The following CDH13 variants were observed in gnomAD, a reference collection of about 807,000 sequenced individuals.
CDH13 encodes cadherin 13, also known as cadherin-13.
In CDH13, 24 loss-of-function variants were observed where a neutral mutation model predicts 63.8. That is an observed-to-expected ratio of 0.38 (90% confidence interval 0.27 to 0.53). The LOEUF (loss-of-function observed/expected upper bound fraction) is 0.53, where lower values mean the gene tolerates loss of function less well. CDH13 is among the 20% of genes least tolerant of loss of function. The pLI, the probability that CDH13 is intolerant of heterozygous loss-of-function variation, is 0.85. For missense variants in CDH13, 1,049 were observed against 903.1 expected, an observed-to-expected ratio of 1.16 and a Z score of -2.07; for synonymous variants, 503 against 355.3, an observed-to-expected ratio of 1.42 and a Z score of -4.67.
At chr16:83,044,649 C>T (rs1235544491) in intron 3 of CDH13, among the ~76,000 whole-genome samples, 2 of 152,192 alleles carry the variant, frequency 1.3e-5, no homozygotes, top group Non-Finnish European at 2.9e-5. Context: ...TTTATATATG[C>T]ATTACCCGAT....
At chr16:83,722,511 C>G (rs1909830686) in intron 10 of CDH13, among the ~76,000 whole-genome samples, 1 of 152,176 alleles carries the variant, frequency 6.6e-6, no homozygotes, top group African/African-American at 2.4e-5. Flanking sequence ...TGGAATTAGA[C>G]AAACACTATT....
chr16:83,433,156 G>C (rs1402315233), intron 6 of CDH13, among the ~76,000 whole-genome samples: 2 of 152,176 alleles, frequency 1.3e-5, no homozygotes, highest in African/African-American at 4.8e-5. Flanking sequence ...GACAGACCAA[G>C]TCCCCGTCTT....
chr16:83,028,839 G>A (rs974165317), intron 2 of CDH13, among the ~76,000 whole-genome samples: 43 of 152,248 alleles, frequency 2.8e-4, no homozygotes, highest in African/African-American at 9.9e-4. Flanking sequence ...CATGGAGATG[G>A]GGGAACTACT....
chr16:82,988,093 C>T (rs1911181246), intron 2 of CDH13, among the ~76,000 whole-genome samples: 1 of 152,166 alleles, frequency 6.6e-6, no homozygotes, highest in Admixed American at 6.5e-5. Flanking sequence ...ACCCTCCTTC[C>T]TCAATCATTG....
chr16:83,170,016 G>T (rs1430761275), intron 4 of CDH13, among the ~76,000 whole-genome samples: 1 of 151,878 alleles, frequency 6.6e-6, no homozygotes, highest in Non-Finnish European at 1.5e-5. Flanking sequence ...CCTTCCAAAT[G>T]TTATTTTATT....
intron 6 of CDH13, among the ~76,000 whole-genome samples, chr16:83,352,493 A>G (rs926784249): frequency 1.3e-5 from 2 of 152,208 alleles, no homozygotes; most frequent in Non-Finnish European, 2.9e-5. Context: ...AAAAGAAGCC[A>G]CTGTATCAAA....
intron 7 of CDH13, among the ~76,000 whole-genome samples, chr16:83,600,279 T>C (rs963599873): frequency 6.6e-6 from 1 of 152,132 alleles, no homozygotes; most frequent in African/African-American, 2.4e-5. Flanking sequence ...CTGGCGGAGC[T>C]GGAATTGAAA....
intron 5 of CDH13, among the ~76,000 whole-genome samples, chr16:83,240,692 A>T (rs1277993566): frequency 8.2e-6 from 1 of 121,402 alleles, no homozygotes; most frequent in Non-Finnish European, 1.8e-5. Flanking sequence ...AAAAAAAAAC[A>T]TGACTTTAAA....
At chr16:83,727,212 C>T (rs759749824) in intron 10 of CDH13, among the ~76,000 whole-genome samples, 4 of 152,086 alleles carry the variant, frequency 2.6e-5, no homozygotes, top group Admixed American at 1.3e-4. Flanking sequence ...TGACCACTAA[C>T]CAGCTTCCTG....
At chr16:83,154,330 G>C (rs1378022990) in intron 4 of CDH13, among the ~76,000 whole-genome samples, 2 of 152,046 alleles carry the variant, frequency 1.3e-5, no homozygotes, top group Non-Finnish European at 2.9e-5. Context: ...GCTGAGGCTG[G>C]GGGTTCACAA....
chr16:82,997,593 C>G (rs72792160), intron 2 of CDH13, among the ~76,000 whole-genome samples: 15,535 of 152,146 alleles, frequency 0.1, 879 homozygotes, highest in African/African-American at 0.16. Flanking sequence ...TAATGGCAAT[C>G]TTATTTTATA....
At chr16:82,640,087 GA>G (rs1909201591) in intron 1 of CDH13, among the ~76,000 whole-genome samples, 1 of 152,204 alleles carries the variant, frequency 6.6e-6, no homozygotes, top group African/African-American at 2.4e-5. Flanking sequence ...AGAAAGACAG[GA>G]AACAAGAAAA....
In CDH13 at chr16:83,799,406, G is replaced by T. The variant is rs1399255437; in HGVS notation, c.*4376G>T. The T allele has an allele frequency of 1.3e-5, 2 of 152,098 alleles. No homozygotes were observed. The highest frequency in any genetic ancestry group is 2.9e-5 in the Non-Finnish European group (2 of 68,030). The allele number at this position is 152,098 out of a possible 1,614,324, so 9.4% of individuals were successfully genotyped here. A position where few individuals can be genotyped will look rare whatever the true frequency, so the allele number is the denominator to read the frequency against. ...AGAGAAAACTGAGGGAGAAAGTGGG[G>T]TGGGGTCTCAAAGGGTTTGCACTGT... On this transcript the variant is annotated 3_prime_UTR_variant, in exon 14 of 14. Transcript: ENST00000567109.
At chr16:82,901,598 G>T (rs1054409285) in intron 2 of CDH13, among the ~76,000 whole-genome samples, 2 of 152,096 alleles carry the variant, frequency 1.3e-5, no homozygotes, top group African/African-American at 4.8e-5. Context: ...GTTGCTTGGG[G>T]TATAATAATT....
At chr16:83,247,488 T>C (rs1212828546) in intron 5 of CDH13, among the ~76,000 whole-genome samples, 1 of 43,280 alleles carries the variant, frequency 2.3e-5, no homozygotes, top group Non-Finnish European at 4.6e-5. Flanking sequence ...AAGCCCATGC[T>C]GTCACCACTT....
In CDH13 at chr16:83,268,465, A is replaced by G. The variant is rs147297068; in HGVS notation, c.636+50968A>G. ...TTTTTTCCAAACCAGCAGTCAGCAT[A>G]CACAATTGGATAGGTACTTCTTTCC... On this transcript the variant is annotated intron_variant, in intron 5 of 13. Transcript: ENST00000567109. 2.9e-3 allele frequency among the ~76,000 whole-genome samples: 435 copies of G among 152,302 alleles called. 1 individual carries two copies. The highest frequency in any genetic ancestry group is 9.7e-3 in the African/African-American group (404 of 41,578).
chr16:83,792,098 C>T (rs1198367615), intron 13 of CDH13, among the ~76,000 whole-genome samples: 2 of 152,094 alleles, frequency 1.3e-5, no homozygotes, highest in African/African-American at 4.8e-5. Context: ...TATTTTGTTC[C>T]TTTCTATTGC....
intron 8 of CDH13, among the ~76,000 whole-genome samples, chr16:83,614,609 C>T (rs1338784219): frequency 2.6e-5 from 4 of 152,202 alleles, no homozygotes; most frequent in East Asian, 3.8e-4. Flanking sequence ...AGCTCTTCGG[C>T]ACTTTCAAAT....
At chr16:83,500,317 TCTCCTCC>T (rs2074246498) in intron 7 of CDH13, among the ~76,000 whole-genome samples, 1 of 594 alleles carries the variant, frequency 1.7e-3, no homozygotes, top group African/African-American at 1.8e-3. Flanking sequence ...TCCTTCTCCT[TCTCCTCC>T]TCCTCCTCCT....
Sources: gnomAD v4.1 joint callset for allele counts (sites outside exome capture counted in the v4.1 genomes callset) on GRCh38, gnomAD v4.1.1 for gene constraint, MANE v1.5 for transcripts, NCBI Gene and HGNC (gene_info 2026-07-23, HGNC 2026-07-21) for gene names.